Variants in DOK6 observed in about 807,000 individuals in gnomAD.
The protein encoded by DOK6 is downstream of tyrosine kinase 6.
DOK6 carries 22 observed loss-of-function variants against 44.0 expected under a neutral mutation model. The ratio of observed to expected loss-of-function variants is 0.50; its 90% CI spans 0.36 to 0.71. The LOEUF is 0.71. Among genes scored for constraint, DOK6 ranks in the 30% least tolerant of loss-of-function variants. The pLI is 0.00. For missense variants in DOK6, 340 were observed against 416.4 expected (o/e 0.82, Z 1.60); for synonymous variants, 166 against 145.5 (o/e 1.14, Z -1.01).
At chr18:69,728,929 GACATCAAGGAC>G (rs1470161789) in intron 5 of DOK6, among the ~76,000 whole-genome samples, 1 of 151,992 alleles carries the variant, frequency 6.6e-6, no homozygotes, top group African/African-American at 2.4e-5. Flanking sequence ...TGATTTTTGT[GACATCAAGGAC>G]AGCCCCTGCA....
intron 3 of DOK6, among the ~76,000 whole-genome samples, chr18:69,627,957 A>G (rs1984597388): frequency 6.6e-6 from 1 of 152,240 alleles, no homozygotes; most frequent in African/African-American, 2.4e-5. Context: ...ATAAAACTGC[A>G]TAAAATAGAA....
At chr18:69,702,793 A>T (rs1986550986) in intron 5 of DOK6, among the ~76,000 whole-genome samples, 1 of 152,146 alleles carries the variant, frequency 6.6e-6, no homozygotes, top group Admixed American at 6.5e-5. Context: ...TGATTCCAGA[A>T]ATCATTCTTG....
chr18:69,552,822 C>T lies in DOK6; in HGVS notation c.67-11665C>T, dbSNP rs374965726. 1.4e-4 allele frequency among the ~76,000 whole-genome samples: 21 copies of T among 152,070 alleles called. 1 individual carries two copies. The East Asian group carries it at 2.1e-3, about 15-fold the overall frequency. The stretch of plus-strand genomic sequence containing the variant: ...TAGCAAATATTCATAAGATGTTTGC[C>T]GAATGAATGAATTATGAAAGTGGAA... On this transcript the variant is annotated intron_variant, in intron 1 of 7. Transcript: ENST00000382713.
chr18:69,750,776 T>C (rs777488995), intron 6 of DOK6, among the ~76,000 whole-genome samples: 11 of 152,222 alleles, frequency 7.2e-5, no homozygotes, highest in Non-Finnish European at 1.5e-4. Context: ...TTCAATTCTC[T>C]TATATTCACT....
intron 1 of DOK6, among the ~76,000 whole-genome samples, chr18:69,536,991 T>TATTATTATC (rs1555711154): frequency 6.7e-6 from 1 of 148,212 alleles, no homozygotes; most frequent in Admixed American, 6.8e-5. Context: ...TTATTATTAT[T>TATTATTATC]ATTATTATTA....
intron 1 of DOK6, among the ~76,000 whole-genome samples, chr18:69,417,918 A>G (rs1978383326): frequency 6.6e-6 from 1 of 152,048 alleles, no homozygotes; most frequent in Non-Finnish European, 1.5e-5. Context: ...TTATATTGCT[A>G]TTGAGTTGTT....
At chr18:69,410,454 C>T (rs527851548) in intron 1 of DOK6, among the ~76,000 whole-genome samples, 2 of 152,268 alleles carry the variant, frequency 1.3e-5, no homozygotes, top group African/African-American at 2.4e-5. Context: ...CTCTAAACTG[C>T]GAATTACACT....
intron 3 of DOK6, 121 bp from the exon 4 acceptor site, chr18:69,677,613 G>T: frequency 9.9e-6 from 15 of 1,518,574 alleles, no homozygotes; most frequent in Middle Eastern, 1.9e-4. Flanking sequence ...GTTTTTTGTT[G>T]TTTTTTTAAA....
intron 6 of DOK6, among the ~76,000 whole-genome samples, chr18:69,754,085 A>G (rs1238286576): frequency 6.6e-6 from 1 of 152,188 alleles, no homozygotes; most frequent in East Asian, 1.9e-4. Context: ...TGAAGGCATT[A>G]CTATAGCATT....
Position 69,666,556 on chromosome 18 carries a change from G to A in DOK6, c.290-11178G>A, listed in dbSNP as rs536028597. The stretch of plus-strand genomic sequence containing the variant: ...CAATTACACAGTGAGTCTGCAGAAT[G>A]GCTCTGTTAATCATCGACATCACAT... On this transcript the variant is annotated intron_variant, in intron 3 of 7. Coordinates refer to ENST00000382713, the MANE Select transcript of DOK6 (RefSeq NM_152721.6). 2.4e-4 allele frequency among the ~76,000 whole-genome samples: 37 copies of A among 152,060 alleles called. 2 individuals are homozygous for A. In the South Asian group the frequency reaches 7.5e-3, roughly 31 times the overall value.
intron 4 of DOK6, among the ~76,000 whole-genome samples, chr18:69,694,089 A>AAAAAAAAAAAAAT (rs1372739323): frequency 3.1e-4 from 45 of 144,316 alleles, no homozygotes; most frequent in Non-Finnish European, 4.4e-4. Context: ...AAAAAAAAAA[A>AAAAAAAAAAAAAT]ATTGATCTAT....
intron 3 of DOK6, among the ~76,000 whole-genome samples, chr18:69,650,599 A>G (rs1379800066): frequency 6.6e-6 from 1 of 152,214 alleles, no homozygotes; most frequent in Non-Finnish European, 1.5e-5. Context: ...ATTAAAAACT[A>G]TCATATCCAA....
intron 1 of DOK6, among the ~76,000 whole-genome samples, chr18:69,458,810 G>A (rs962443441): frequency 2.0e-5 from 3 of 152,060 alleles, no homozygotes; most frequent in East Asian, 1.9e-4. Context: ...GTGAAATACC[G>A]GCTGGGAGCT....
chr18:69,510,493 T>A (rs913828786), intron 1 of DOK6, among the ~76,000 whole-genome samples: 16 of 151,554 alleles, frequency 1.1e-4, no homozygotes, highest in African/African-American at 2.9e-4. Context: ...TGAATTGGAG[T>A]TTTGTTGTTT....
intron 5 of DOK6, among the ~76,000 whole-genome samples, chr18:69,700,203 TTACATATATA>T (rs957433730): frequency 6.2e-5 from 5 of 80,154 alleles, no homozygotes; most frequent in Admixed American, 3.8e-4. Context: ...TCAGTTAGTT[TTACATATATA>T]TACATATATA....
rs1409669197 is a variant in DOK6 at position 69,844,857 on chromosome 18, TTC to T, written c.*3478_*3479del. 6.6e-6 allele frequency: 1 copy of T among 152,254 alleles called. No individual in the cohort carries two copies. Among genetic ancestry groups the T allele is most frequent in the Non-Finnish European group, 1.5e-5 (1 of 68,042 alleles). The allele number at this position is 152,254 out of a possible 1,614,324, so 9.4% of individuals were successfully genotyped here. A position where few individuals can be genotyped will look rare whatever the true frequency, so the allele number is the denominator to read the frequency against. On this transcript the variant is annotated 3_prime_UTR_variant, in exon 8 of 8. Transcript: ENST00000382713. ...CTAGTCCTAGTATCTTGCGTAATTCTTCTCTGTCTTCATTGGGAAATTATGTT... is the reference window on the plus strand; with the variant it reads ...CTAGTCCTAGTATCTTGCGTAATTCTTCTGTCTTCATTGGGAAATTATGTT...
chr18:69,716,320 T>C (rs1986879921), intron 5 of DOK6, among the ~76,000 whole-genome samples: 1 of 152,216 alleles, frequency 6.6e-6, no homozygotes. Flanking sequence ...ACAGGAAATA[T>C]TTAGTTGAAA....
intron 2 of DOK6, among the ~76,000 whole-genome samples, chr18:69,587,177 G>A (rs1455624905): frequency 1.3e-5 from 2 of 152,108 alleles, no homozygotes; most frequent in East Asian, 3.9e-4. Context: ...AAAACTTGGT[G>A]GCTTAAAAAC....
intron 2 of DOK6, among the ~76,000 whole-genome samples, chr18:69,589,199 C>A (rs1983571432): frequency 6.6e-6 from 1 of 151,960 alleles, no homozygotes; most frequent in African/African-American, 2.4e-5. Context: ...AGGATTCAAG[C>A]ATAGAGAGAT....
Sources: gnomAD v4.1 joint callset for allele counts (sites outside exome capture counted in the v4.1 genomes callset) on GRCh38, gnomAD v4.1.1 for gene constraint, MANE v1.5 for transcripts, NCBI Gene and HGNC (gene_info 2026-07-23, HGNC 2026-07-21) for gene names.